The following OSBPL10 variants were observed in gnomAD, a reference collection of about 807,000 sequenced individuals.
OSBPL10 encodes oxysterol binding protein like 10.
In OSBPL10, 49 loss-of-function variants were observed where a neutral mutation model predicts 81.7. That is an observed-to-expected ratio of 0.60 (90% confidence interval 0.48 to 0.76). The LOEUF is 0.76. Ranked by LOEUF, OSBPL10 falls within the 30% of genes least tolerant of loss-of-function variation. The pLI is 0.00. For synonymous variants in OSBPL10, 419 were observed against 383.6 expected (o/e 1.09, Z -1.08); for missense variants, 923 against 987.8 (o/e 0.93, Z 0.88).
intron 4 of OSBPL10, chr3:31,795,172 T>A (rs1262420754): frequency 2.6e-5 from 3 of 115,038 alleles, no homozygotes; most frequent in African/African-American, 1.0e-4. Flanking sequence ...GGAGACAGAG[T>A]CTCACTCTGT....
In OSBPL10 at chr3:31,830,133, G is replaced by T; in HGVS notation, c.636C>A (p.Ala212=). Reference sequence around the variant, plus strand: ...GATGCGTGATTGTGACAACACCGGGGGCCCCCACACTGAGGTGTCTCTGGC... The same window carrying T: ...GATGCGTGATTGTGACAACACCGGGTGCCCCCACACTGAGGTGTCTCTGGC... ...PCSQRHLSVG[A]PGVVTITHHK... Residue 212 remains alanine, a synonymous_variant, in exon 4 of 12, where the codon GCC becomes GCA. Transcript: ENST00000396556. The T allele has an allele frequency of 1.2e-6, 2 of 1,614,112 alleles. No homozygotes were observed. The highest frequency in any genetic ancestry group is 2.2e-5 in the South Asian group (2 of 91,076).
chr3:31,957,224 T>G (rs905502006), intron 1 of OSBPL10, among the ~76,000 whole-genome samples: 1 of 152,246 alleles, frequency 6.6e-6, no homozygotes, highest in Non-Finnish European at 1.5e-5. Context: ...TTTTTTTAAC[T>G]ATCACAACTG....
intron 3 of OSBPL10, among the ~76,000 whole-genome samples, chr3:31,862,430 G>A (rs902340471): frequency 2.0e-5 from 3 of 152,004 alleles, no homozygotes; most frequent in Non-Finnish European, 4.4e-5. Context: ...AGATGTCTGC[G>A]TTCCACCCTA....
chr3:32,004,046 T>C (rs1004788616), intron 2 of OSBPL10, among the ~76,000 whole-genome samples: 1 of 152,180 alleles, frequency 6.6e-6, no homozygotes, highest in African/African-American at 2.4e-5. Context: ...ACCTGGTGTC[T>C]TCAACAAACT....
At chr3:31,854,140 GT>G (rs34484240) in intron 3 of OSBPL10, among the ~76,000 whole-genome samples, 5,022 of 146,434 alleles carry the variant, frequency 0.034, 275 homozygotes, top group African/African-American at 0.12. Context: ...TCTCAGTAAA[GT>G]TTTTTTTTTT....
chr3:31,698,512 A>T (rs1575483484), intron 7 of OSBPL10, among the ~76,000 whole-genome samples: 1 of 151,752 alleles, frequency 6.6e-6, no homozygotes, highest in African/African-American at 2.4e-5. Context: ...CTTGCTCAAA[A>T]CCCTCCAATG....
At chr3:31,673,790 G>A (rs568948214) in intron 8 of OSBPL10, among the ~76,000 whole-genome samples, 13 of 152,212 alleles carry the variant, frequency 8.5e-5, no homozygotes, top group African/African-American at 3.1e-4. Flanking sequence ...ATGCCAGGCA[G>A]CGAGGCTCTT....
At chr3:31,784,361 A>AGGAAAAGGAAAAGGAAAG (rs201305268) in intron 4 of OSBPL10, among the ~76,000 whole-genome samples, 4 of 151,078 alleles carry the variant, frequency 2.6e-5, no homozygotes, top group Non-Finnish European at 4.4e-5. Context: ...GGGAAAGGAA[A>AGGAAAAGGAAAAGGAAAG]GGAAAAGGAA....
chr3:31,894,487 A>G (rs916046783), intron 1 of OSBPL10, among the ~76,000 whole-genome samples: 1 of 152,054 alleles, frequency 6.6e-6, no homozygotes, highest in African/African-American at 2.4e-5. Flanking sequence ...GTGACCATAC[A>G]CTCATCTGTT....
At chr3:31,664,401 G>A (rs1403290988) in intron 10 of OSBPL10, 169 bp from the exon 11 acceptor site, 7 of 637,144 alleles carry the variant, frequency 1.1e-5, no homozygotes, top group Admixed American at 2.9e-5. Context: ...TGAACCCAGG[G>A]CTACCCAGCT....
intron 2 of OSBPL10, among the ~76,000 whole-genome samples, chr3:32,024,743 G>T (rs1699388901): frequency 1.3e-5 from 2 of 152,014 alleles, no homozygotes; most frequent in Admixed American, 1.3e-4. Context: ...CAAAGTGCTG[G>T]GATTACAGGC....
intron 9 of OSBPL10, 87 bp downstream of exon 9, chr3:31,670,710 A>T (rs1700301990): frequency 1.5e-6 from 2 of 1,361,648 alleles, no homozygotes; most frequent in Non-Finnish European, 2.0e-6. Flanking sequence ...AACTCATCCC[A>T]TTACTGAAAC....
At chr3:31,862,903 A>G (rs1701093706) in intron 3 of OSBPL10, among the ~76,000 whole-genome samples, 1 of 152,238 alleles carries the variant, frequency 6.6e-6, no homozygotes, top group Non-Finnish European at 1.5e-5. Context: ...TGGCCCAGTC[A>G]TTCCACTTTT....
At chr3:31,822,028 G>T (rs769414079) in intron 4 of OSBPL10, 3 of 152,214 alleles carry the variant, frequency 2.0e-5, no homozygotes, top group Non-Finnish European at 2.9e-5. Flanking sequence ...AGGGTCTTCC[G>T]TATGTGTGTG....
intron 10 of OSBPL10, 78 bp downstream of exon 10, chr3:31,668,564 G>C: frequency 7.4e-7 from 1 of 1,346,154 alleles, no homozygotes; most frequent in Non-Finnish European, 1.0e-6. Context: ...AAGTTTCAAA[G>C]TCTTCTTTCT....
chr3:31,871,907 A>T (rs150129416), intron 3 of OSBPL10, among the ~76,000 whole-genome samples: 10 of 151,962 alleles, frequency 6.6e-5, no homozygotes, highest in African/African-American at 2.4e-4. Flanking sequence ...CAAGAAATTC[A>T]CTCTTGCATT....
At chr3:32,024,608 C>A (rs535403313) in intron 2 of OSBPL10, among the ~76,000 whole-genome samples, 1 of 151,690 alleles carries the variant, frequency 6.6e-6, no homozygotes, top group Non-Finnish European at 1.5e-5. Context: ...CCTCAGCCCC[C>A]CCAGTAGCTG....
At chr3:31,835,852 C>T (rs932578368) in intron 3 of OSBPL10, among the ~76,000 whole-genome samples, 2 of 152,096 alleles carry the variant, frequency 1.3e-5, no homozygotes, top group African/African-American at 2.4e-5. Flanking sequence ...AAAGAAAAAG[C>T]GTAACAATTT....
chr3:31,802,440 C>G (rs1293605750), intron 4 of OSBPL10, among the ~76,000 whole-genome samples: 5 of 150,834 alleles, frequency 3.3e-5, no homozygotes, highest in African/African-American at 4.9e-5. Flanking sequence ...GTGGCGGGCA[C>G]CTGTAATCCC....
Sources: gnomAD v4.1 joint callset for allele counts (sites outside exome capture counted in the v4.1 genomes callset) on GRCh38, gnomAD v4.1.1 for gene constraint, MANE v1.5 for transcripts, NCBI Gene and HGNC (gene_info 2026-07-23, HGNC 2026-07-21) for gene names.